The following DSE variants were observed in gnomAD, a reference collection of about 807,000 sequenced individuals.
DSE encodes dermatan sulfate epimerase, also known as dermatan-sulfate epimerase.
DSE carries 36 observed loss-of-function variants against 84.4 expected under a neutral mutation model. The observed-to-expected ratio is 0.43, with a 90% CI of 0.33 to 0.56. The LOEUF is 0.56. Among genes scored for constraint, DSE ranks in the 20% least tolerant of loss-of-function variants. The pLI is 0.06. For synonymous variants in DSE, 410 were observed against 430.1 expected, an observed-to-expected ratio of 0.95 and a Z score of 0.58; for missense variants, 862 against 1,169.6, an observed-to-expected ratio of 0.74 and a Z score of 3.84.
intron 1 of DSE, among the ~76,000 whole-genome samples, chr6:116,384,233 G>C (rs1180766172): frequency 1.3e-5 from 2 of 152,202 alleles, no homozygotes; most frequent in African/African-American, 4.8e-5. Context: ...TCTGGACATG[G>C]ATAGACTAGG....
rs1234777904 is a variant in DSE at position 116,433,482 on chromosome 6, T to TGTG, written c.1055_1057dup (p.Val352dup). On this transcript the variant is annotated inframe_insertion, in exon 5 of 6. Coordinates refer to ENST00000644252, the MANE Select transcript of DSE (RefSeq NM_013352.4). Reference sequence around the variant, plus strand: ...TAGCTGACCAAATCAGAAGGAACCGTGTGGTGGAAGGTCCAGGAACACCAT... The same window carrying TGTG: ...TAGCTGACCAAATCAGAAGGAACCGTGTGGTGGTGGAAGGTCCAGGAACACCAT... The TGTG allele has an allele frequency of 1.3e-6, 2 of 1,561,312 alleles. No homozygotes were observed. Among genetic ancestry groups the TGTG allele is most frequent in the Middle Eastern group, 3.3e-4 (2 of 6,004 alleles).
At chr6:116,258,866 C>A in exon 2 of DSE, 1 of 1,607,010 alleles carries the variant, frequency 6.2e-7, no homozygotes, top group Non-Finnish European at 8.5e-7. Flanking sequence ...AGCTTCTTGC[C>A]GTTGTTGCAG....
intron 1 of DSE, chr6:116,256,015 G>A (rs1189637818): frequency 6.6e-6 from 1 of 152,132 alleles, no homozygotes; most frequent in African/African-American, 2.4e-5. Flanking sequence ...TTAACACTCA[G>A]TTCATGTAGA....
intron 2 of DSE, among the ~76,000 whole-genome samples, chr6:116,345,743 G>T (rs1454113896): frequency 6.6e-6 from 1 of 152,174 alleles, no homozygotes; most frequent in African/African-American, 2.4e-5. Context: ...TCAAAAGCTA[G>T]TAGAAGGCAG....
intron 2 of DSE, among the ~76,000 whole-genome samples, chr6:116,419,346 A>G (rs1468193249): frequency 1.3e-5 from 2 of 152,240 alleles, no homozygotes; most frequent in Non-Finnish European, 2.9e-5. Context: ...GGGAAAAAAG[A>G]TGAATCACTA....
chr6:116,362,857 T>C (rs893078535), intron 2 of DSE, among the ~76,000 whole-genome samples: 2 of 152,222 alleles, frequency 1.3e-5, no homozygotes, highest in Admixed American at 6.5e-5. Context: ...AGTATAACCA[T>C]ACTTGAGAAC....
chr6:116,307,897 G>T (rs751540989), intron 2 of DSE, among the ~76,000 whole-genome samples: 105 of 152,228 alleles, frequency 6.9e-4, no homozygotes, highest in Non-Finnish European at 1.2e-3. Flanking sequence ...TACTGGAAAA[G>T]CGTGAACAGT....
intron 1 of DSE, among the ~76,000 whole-genome samples, chr6:116,397,754 G>A (rs1198796463): frequency 3.3e-5 from 5 of 152,132 alleles, no homozygotes; most frequent in Admixed American, 6.5e-5. Flanking sequence ...GTTTTATTTA[G>A]TATGGCTATA....
exon 1 of DSE, chr6:116,254,176 C>G (rs1772043624): frequency 3.9e-6 from 3 of 767,198 alleles, no homozygotes; most frequent in Admixed American, 2.1e-5. Flanking sequence ...GAACTCTCTG[C>G]GCGGTTGACT....
At chr6:116,337,792 A>G (rs2501052) in intron 2 of DSE, among the ~76,000 whole-genome samples, 116,347 of 152,058 alleles carry the variant, frequency 0.77, 45,948 homozygotes, top group East Asian at 1. Context: ...CAGTAAAATG[A>G]GTTTACATAC....
chr6:116,434,627 A>G (rs1162718876), intron 5 of DSE, among the ~76,000 whole-genome samples: 5 of 152,210 alleles, frequency 3.3e-5, no homozygotes, highest in Admixed American at 6.5e-5. Context: ...ATCTGCCTTT[A>G]TAGCAATATG....
chr6:116,430,562 G>C (rs1435569645), intron 3 of DSE, among the ~76,000 whole-genome samples: 1 of 150,130 alleles, frequency 6.7e-6, no homozygotes, highest in South Asian at 2.1e-4. Flanking sequence ...TTTTTTTTGA[G>C]ACGGAGTCTC....
At chr6:116,413,192 A>G (rs191797202) in intron 2 of DSE, among the ~76,000 whole-genome samples, 8 of 152,300 alleles carry the variant, frequency 5.3e-5, no homozygotes, top group Admixed American at 3.9e-4. Flanking sequence ...AACTTTACAT[A>G]TATAAATATA....
intron 2 of DSE, among the ~76,000 whole-genome samples, chr6:116,425,557 A>C (rs1452176251): frequency 3.3e-5 from 5 of 152,168 alleles, no homozygotes; most frequent in African/African-American, 1.2e-4. Flanking sequence ...AGTCAAACAG[A>C]AATTTGGCTT....
intron 2 of DSE, among the ~76,000 whole-genome samples, chr6:116,325,021 G>A (rs1003006165): frequency 4.6e-5 from 7 of 152,208 alleles, no homozygotes; most frequent in African/African-American, 1.7e-4. Context: ...GGGGTTAGGT[G>A]TGTTTTGGGA....
chr6:116,420,634 G>A (rs948694179), intron 2 of DSE, among the ~76,000 whole-genome samples: 3 of 152,114 alleles, frequency 2.0e-5, no homozygotes, highest in Non-Finnish European at 4.4e-5. Flanking sequence ...CCAGTCTATG[G>A]CATTTTGTTA....
intron 2 of DSE, among the ~76,000 whole-genome samples, chr6:116,345,967 A>G (rs1333243861): frequency 6.6e-6 from 1 of 152,218 alleles, no homozygotes; most frequent in African/African-American, 2.4e-5. Context: ...AATACAAACT[A>G]CCATCAGAGA....
At chr6:116,370,723 G>A, upstream of DSE, 1 of 796,524 alleles carries the variant, frequency 1.3e-6, no homozygotes, top group Non-Finnish European at 1.5e-6. Flanking sequence ...GCACAGCTGC[G>A]AGCGGCGAGT....
chr6:116,314,158 T>A (rs1044226482), intron 2 of DSE, among the ~76,000 whole-genome samples: 2 of 152,212 alleles, frequency 1.3e-5, no homozygotes, highest in African/African-American at 4.8e-5. Flanking sequence ...TTCTGGTCCA[T>A]GTGCTTTCAC....
Sources: allele counts gnomAD v4.1 joint callset (sites outside exome capture counted in the v4.1 genomes callset), GRCh38; gene constraint gnomAD v4.1.1; transcripts MANE v1.5; gene names NCBI Gene and HGNC (gene_info 2026-07-23, HGNC 2026-07-21).